Variants in SIPA1L3 observed in about 807,000 individuals in gnomAD.
SIPA1L3 encodes the protein signal-induced proliferation-associated 1-like protein 3.
A neutral mutation model predicts 150.1 loss-of-function variants in SIPA1L3; 59 were observed. That is an observed-to-expected ratio of 0.39 (90% CI 0.32 to 0.49). The LOEUF (loss-of-function observed/expected upper bound fraction) is 0.49, where lower values mean the gene tolerates loss of function less well. Ranked by LOEUF, SIPA1L3 falls within the 20% of genes least tolerant of loss-of-function variation. SIPA1L3 has a pLI of 0.86. For missense variants in SIPA1L3, 2,211 were observed against 2,489.5 expected (o/e 0.89, Z 2.38); for synonymous variants, 1,070 against 1,077.6 (o/e 0.99, Z 0.14).
In SIPA1L3 at chr19:38,134,433, G is replaced by T. The variant is rs183339311; in HGVS notation, c.3143+3661G>T. On this transcript the variant is annotated intron_variant, in intron 10 of 21. Coordinates refer to ENST00000222345, the MANE Select transcript of SIPA1L3 (RefSeq NM_015073.3). ...AAAAAAAAAAAAAAAAAAAAGCCAG[G>T]CTTGGTGGCTCATGCCTGTAATCCC... is the stretch of plus-strand genomic sequence containing the variant. Among the ~76,000 whole-genome samples, 26 of 142,100 alleles carry T rather than the reference G, an allele frequency of 1.8e-4. No individual in the cohort carries two copies. The East Asian group carries it at 5.5e-3, about 30-fold the overall frequency. 93.2% of individuals were successfully genotyped at this position (142,100 alleles called of 152,430 possible). A position where few individuals can be genotyped will look rare whatever the true frequency, so the allele number is the denominator to read the frequency against.
chr19:37,943,940 T>C (rs191964559), intron 1 of SIPA1L3, among the ~76,000 whole-genome samples: 3 of 152,082 alleles, frequency 2.0e-5, no homozygotes, highest in Non-Finnish European at 4.4e-5. Flanking sequence ...TGCTTTAAAA[T>C]GTACAGAAGC....
At chr19:38,103,663 G>A (rs566409862) in intron 6 of SIPA1L3, among the ~76,000 whole-genome samples, 3 of 150,598 alleles carry the variant, frequency 2.0e-5, no homozygotes, top group Non-Finnish European at 3.0e-5. Context: ...GGTGGTTCAC[G>A]CCTGTAATCT....
chr19:38,142,572 G>C lies in SIPA1L3; in HGVS notation c.3396-1G>C, dbSNP rs1971615427. ...CTCCTTCCTCCCCTGTCTCCTTCTA[G>C]GCCTGTCAGCTTCCCAGAAACCCCT... On this transcript the variant is annotated splice_acceptor_variant, in intron 11 of 21. Transcript: ENST00000222345. LOFTEE classifies it high-confidence loss of function. 6.2e-7 allele frequency: 1 copy of C among 1,606,444 alleles called. No homozygotes were observed. Among genetic ancestry groups the C allele is most frequent in the African/African-American group, 1.3e-5 (1 of 74,872 alleles).
At chr19:38,204,642 G>A (rs1973169125) in intron 21 of SIPA1L3, among the ~76,000 whole-genome samples, 2 of 152,080 alleles carry the variant, frequency 1.3e-5, no homozygotes, top group Admixed American at 6.6e-5. Context: ...GCGGGTGCCT[G>A]TAATCCCAGG....
chr19:38,016,494 T>C (rs1968234890), intron 1 of SIPA1L3, among the ~76,000 whole-genome samples: 1 of 152,146 alleles, frequency 6.6e-6, no homozygotes, highest in African/African-American at 2.4e-5. Context: ...ATACATACTG[T>C]GAATTCACGT....
At position 38,167,966 on chromosome 19, in the gene SIPA1L3, C is replaced by T. The variant is rs900009289; in HGVS notation, c.4208+3060C>T. 4.6e-5 allele frequency among the ~76,000 whole-genome samples: 7 copies of T among 152,268 alleles called. No individual in the cohort carries two copies. The East Asian group carries it at 9.6e-4, about 21-fold the overall frequency. ...CATAAGTATTTCTTAGGGATTTGCT[C>T]GGTCCCAGACACTGTGCTGGGAGCT... On this transcript the variant is annotated intron_variant, in intron 15 of 21. Transcript: ENST00000222345.
At chr19:38,113,552 A>C (rs1970814633) in intron 8 of SIPA1L3, among the ~76,000 whole-genome samples, 1 of 151,388 alleles carries the variant, frequency 6.6e-6, no homozygotes, top group Admixed American at 6.6e-5. Flanking sequence ...CAGGAAGTCA[A>C]GGCTAGAGTG....
intron 1 of SIPA1L3, among the ~76,000 whole-genome samples, chr19:38,019,925 A>C (rs374369129): frequency 6.6e-6 from 1 of 152,096 alleles, no homozygotes; most frequent in East Asian, 1.9e-4. Context: ...ATATCTGCAC[A>C]AAACTTTTTT....
rs1555775637 is a variant in SIPA1L3 at position 38,000,900 on chromosome 19, A to ATATATGT, written c.-378-28184_-378-28183insGTTATAT. ...TTTTATATATATATATATGTTATAT[A>ATATATGT]TATATATATAACATATATATAACAT... On this transcript the variant is annotated intron_variant, in intron 1 of 21. Coordinates refer to ENST00000222345, the MANE Select transcript of SIPA1L3 (RefSeq NM_015073.3). Among the ~76,000 whole-genome samples, 1,165 of 131,350 alleles carry ATATATGT rather than the reference A, an allele frequency of 8.9e-3. 17 individuals carry two copies. Among genetic ancestry groups the ATATATGT allele is most frequent in the African/African-American group, 0.033 (1,092 of 33,178 alleles). 86.2% of individuals were successfully genotyped at this position (131,350 alleles called of 152,430 possible).
chr19:37,929,670 C>G (rs980377926), intron 1 of SIPA1L3, among the ~76,000 whole-genome samples: 8 of 152,130 alleles, frequency 5.3e-5, no homozygotes, highest in East Asian at 3.9e-4. Flanking sequence ...CTCCCTCCCC[C>G]CTCCTCCTAC....
intron 7 of SIPA1L3, 170 bp from the exon 8 acceptor site, chr19:38,110,057 T>C: frequency 1.5e-6 from 1 of 656,220 alleles, no homozygotes; most frequent in Admixed American, 2.5e-5. Context: ...TTATCCTGAA[T>C]GAGAGGGAAC....
chr19:37,995,474 A>G (rs1345481357), intron 1 of SIPA1L3, among the ~76,000 whole-genome samples: 1 of 152,056 alleles, frequency 6.6e-6, no homozygotes, highest in Admixed American at 6.6e-5. Flanking sequence ...CCTGAGGGGG[A>G]CACCCAGCCG....
At chr19:37,934,244 G>C (rs2046580433) in intron 1 of SIPA1L3, among the ~76,000 whole-genome samples, 1 of 152,174 alleles carries the variant, frequency 6.6e-6, no homozygotes, top group Admixed American at 6.5e-5. Context: ...GGCACCAGGG[G>C]ACTGAGGTGC....
chr19:38,008,217 CTTTTTTTTTT>C (rs35422339), intron 1 of SIPA1L3, among the ~76,000 whole-genome samples: 5 of 50,126 alleles, frequency 1.0e-4, no homozygotes, highest in South Asian at 1.0e-3. Flanking sequence ...CCATAGGCTG[CTTTTTTTTTT>C]TTTTTTTTTT....
chr19:38,047,230 A>G lies in SIPA1L3; in HGVS notation c.-311+18074A>G, dbSNP rs911766924. On this transcript the variant is annotated intron_variant, in intron 2 of 21. Coordinates refer to ENST00000222345, the MANE Select transcript of SIPA1L3 (RefSeq NM_015073.3). The surrounding 1 kb of genome is among the most constrained non-coding windows in gnomAD (Gnocchi z 4.7). ...CCAGCCTGTTCTCCCCCGCCGACAC[A>G]CACGCACGCACACACGCACGCACTC... is the stretch of plus-strand genomic sequence containing the variant. 5.9e-5 allele frequency among the ~76,000 whole-genome samples: 9 copies of G among 152,002 alleles called. No homozygotes were observed. Among genetic ancestry groups the G allele is most frequent in the Admixed American group, 5.9e-4 (9 of 15,260 alleles).
At chr19:37,958,512 C>T (rs190331978) in intron 1 of SIPA1L3, among the ~76,000 whole-genome samples, 2 of 152,274 alleles carry the variant, frequency 1.3e-5, no homozygotes, top group Admixed American at 1.3e-4. Flanking sequence ...CAAAAATTAA[C>T]TCAAAGTAGA....
chr19:38,100,651 G>A (rs1159518363), intron 5 of SIPA1L3, among the ~76,000 whole-genome samples: 5 of 152,172 alleles, frequency 3.3e-5, no homozygotes, highest in Non-Finnish European at 7.3e-5. Context: ...TAGTTATTGG[G>A]AGCCCACTCC....
At chr19:38,138,897 C>CAAAAAAAA (rs3045988) in intron 10 of SIPA1L3, among the ~76,000 whole-genome samples, 8 of 44,128 alleles carry the variant, frequency 1.8e-4, no homozygotes, top group Admixed American at 3.3e-4. Context: ...GACTCTATCT[C>CAAAAAAAA]AAAAAAAAAA....
intron 11 of SIPA1L3, among the ~76,000 whole-genome samples, chr19:38,142,182 G>A (rs1432064416): frequency 6.6e-6 from 1 of 152,128 alleles, no homozygotes; most frequent in African/African-American, 2.4e-5. Context: ...TAACTTAACA[G>A]ATACTCTTTT....
Sources: allele counts gnomAD v4.1 joint callset (sites outside exome capture counted in the v4.1 genomes callset), GRCh38; gene constraint gnomAD v4.1.1; non-coding constraint Gnocchi (gnomAD v3.1); transcripts MANE v1.5; gene names NCBI Gene and HGNC (gene_info 2026-07-23, HGNC 2026-07-21).